TEAD1: variants seen among roughly 807,000 people sequenced by gnomAD.
The protein encoded by TEAD1 is transcriptional enhancer factor TEF-1.
A neutral mutation model predicts 54.9 loss-of-function variants in TEAD1; 9 were observed. That is an observed-to-expected ratio of 0.16 (90% CI 0.10 to 0.29). TEAD1 has a LOEUF of 0.29. Ranked by LOEUF, TEAD1 falls within the 10% of genes least tolerant of loss-of-function variation. The pLI is 1.00. For missense variants in TEAD1, 387 were observed against 535.9 expected (o/e 0.72, Z 2.74); for synonymous variants, 200 against 187.8 (o/e 1.07, Z -0.53).
chr11:12,934,560 TAAAG>T (rs1424401688), intron 12 of TEAD1, among the ~76,000 whole-genome samples: 2 of 148,118 alleles, frequency 1.4e-5, no homozygotes, highest in African/African-American at 2.5e-5. Flanking sequence ...AATAAATAAA[TAAAG>T]CTAAACTTAA....
intron 2 of TEAD1, among the ~76,000 whole-genome samples, chr11:12,734,443 G>T (rs139829155): frequency 3.0e-4 from 45 of 152,114 alleles, no homozygotes; most frequent in African/African-American, 9.4e-4. Flanking sequence ...ATTTAGTGTG[G>T]CATAAGAATA....
In TEAD1 at chr11:12,883,049, G is replaced by T; in HGVS notation, c.623G>T (p.Gly208Val). 1 of 1,614,186 alleles carries T rather than the reference G, an allele frequency of 6.2e-7. No individual in the cohort carries two copies. The highest frequency in any genetic ancestry group is 8.5e-7 in the Non-Finnish European group (1 of 1,180,046). The change falls in exon 9 of 13, where the codon GGT becomes GTT. Residue 208 changes from glycine to valine, a missense_variant. Coordinates refer to ENST00000527636, the MANE Select transcript of TEAD1 (RefSeq NM_021961.6). Reference sequence around the variant, plus strand: ...GCTCCCTCAGTCCCTGCCTGGCAAGGTCGCTCCATTGGCACAACCAAGCTT... The same window carrying T: ...GCTCCCTCAGTCCCTGCCTGGCAAGTTCGCTCCATTGGCACAACCAAGCTT...
chr11:12,913,377 G>C (rs16911755), intron 10 of TEAD1, among the ~76,000 whole-genome samples: 9,756 of 152,282 alleles, frequency 0.064, 458 homozygotes, highest in East Asian at 0.12. Flanking sequence ...ATACATGCCT[G>C]TGGTCAGCCA....
At chr11:12,886,048 C>T (rs1564977653) in intron 9 of TEAD1, among the ~76,000 whole-genome samples, 1 of 152,196 alleles carries the variant, frequency 6.6e-6, no homozygotes, top group Non-Finnish European at 1.5e-5. Flanking sequence ...CTGTGAGTAA[C>T]AGGAAACAGG....
intron 3 of TEAD1, among the ~76,000 whole-genome samples, chr11:12,857,578 C>CTGTGTGTGTG (rs10694132): frequency 0.17 from 24,865 of 145,684 alleles, 2,269 homozygotes; most frequent in African/African-American, 0.23. Context: ...CTCTCTGTCT[C>CTGTGTGTGTG]TGTGTGTGTG....
At chr11:12,787,704 T>A (rs1177976431) in intron 3 of TEAD1, among the ~76,000 whole-genome samples, 1 of 152,220 alleles carries the variant, frequency 6.6e-6, no homozygotes, top group Non-Finnish European at 1.5e-5. Context: ...AAAGCCAACA[T>A]ATTTCACATT....
chr11:12,710,811 G>A (rs938584110), intron 2 of TEAD1, among the ~76,000 whole-genome samples: 7 of 152,096 alleles, frequency 4.6e-5, no homozygotes, highest in Admixed American at 2.0e-4. Flanking sequence ...GTTGTGACAC[G>A]TGAGTTAGGG....
chr11:12,790,110 T>C (rs1378164797), intron 3 of TEAD1, among the ~76,000 whole-genome samples: 3 of 152,242 alleles, frequency 2.0e-5, no homozygotes, highest in African/African-American at 7.2e-5. Context: ...CCATACAGAC[T>C]GAGGCACCAG....
intron 2 of TEAD1, among the ~76,000 whole-genome samples, chr11:12,704,385 A>G (rs950608273): frequency 2.6e-5 from 4 of 152,256 alleles, no homozygotes; most frequent in Non-Finnish European, 5.9e-5. Context: ...CCTCCTGGCC[A>G]GTCAACCATG....
At chr11:12,864,726 G>A in intron 4 of TEAD1, 112 bp from the exon 5 acceptor site, 9 of 1,602,086 alleles carry the variant, frequency 5.6e-6, no homozygotes, top group Non-Finnish European at 6.8e-6. Flanking sequence ...AAGAAAGTTC[G>A]AGAAATTCAA....
intron 2 of TEAD1, among the ~76,000 whole-genome samples, chr11:12,731,724 G>C (rs891526003): frequency 6.6e-6 from 1 of 152,104 alleles, no homozygotes; most frequent in Non-Finnish European, 1.5e-5. Context: ...GAGGTAAACT[G>C]TTTCCATTAC....
intron 10 of TEAD1, among the ~76,000 whole-genome samples, chr11:12,903,902 G>T (rs1263316851): frequency 6.6e-6 from 1 of 152,132 alleles, no homozygotes; most frequent in African/African-American, 2.4e-5. Context: ...CTGAAAAAGC[G>T]ATCACAGTCA....
chr11:12,907,608 G>C (rs972029832), intron 10 of TEAD1, among the ~76,000 whole-genome samples: 1 of 152,192 alleles, frequency 6.6e-6, no homozygotes, highest in African/African-American at 2.4e-5. Flanking sequence ...GAAGGGAAGA[G>C]GTTCCTCTCT....
intron 3 of TEAD1, among the ~76,000 whole-genome samples, chr11:12,830,048 A>G (rs1946740860): frequency 1.3e-5 from 2 of 152,124 alleles, no homozygotes. Context: ...GTGCATGGAC[A>G]CAGAGGCCAG....
At chr11:12,830,725 G>A (rs1481289352) in intron 3 of TEAD1, among the ~76,000 whole-genome samples, 1 of 151,976 alleles carries the variant, frequency 6.6e-6, no homozygotes, top group Non-Finnish European at 1.5e-5. Context: ...TATATTTTGT[G>A]TCAGTTATAT....
chr11:12,915,705 G>A (rs1948699903), intron 10 of TEAD1, among the ~76,000 whole-genome samples: 1 of 152,102 alleles, frequency 6.6e-6, no homozygotes, highest in Admixed American at 6.5e-5. Context: ...AAAAATTAGT[G>A]TGGTGGCGCA....
chr11:12,702,887 T>A (rs1445759019), intron 2 of TEAD1, among the ~76,000 whole-genome samples: 1 of 152,214 alleles, frequency 6.6e-6, no homozygotes, highest in Non-Finnish European at 1.5e-5. Flanking sequence ...TCATTTAATT[T>A]TCACAATAAT....
intron 9 of TEAD1, among the ~76,000 whole-genome samples, chr11:12,891,899 C>T (rs1438032142): frequency 6.6e-6 from 1 of 152,144 alleles, no homozygotes; most frequent in Non-Finnish European, 1.5e-5. Flanking sequence ...GGCAGCCCCT[C>T]AGCCAGAAGG....
intron 3 of TEAD1, among the ~76,000 whole-genome samples, chr11:12,815,840 C>G (rs948298192): frequency 9.9e-5 from 15 of 152,158 alleles, no homozygotes; most frequent in Admixed American, 9.8e-4. Context: ...TAAGTTGTTG[C>G]CTGCGGGTAC....
Sources: gnomAD v4.1 joint callset for allele counts (sites outside exome capture counted in the v4.1 genomes callset) on GRCh38, gnomAD v4.1.1 for gene constraint, MANE v1.5 for transcripts, NCBI Gene and HGNC (gene_info 2026-07-23, HGNC 2026-07-21) for gene names.